Variants in TTLL9 observed in about 807,000 individuals in gnomAD.
TTLL9 encodes the protein tubulin tyrosine ligase like 9.
TTLL9 carries 47 observed loss-of-function variants against 65.6 expected under a neutral mutation model. The observed-to-expected ratio is 0.72, with a 90% CI of 0.57 to 0.91. TTLL9 has a LOEUF of 0.91. Ranked by LOEUF, TTLL9 falls within the 40% of genes least tolerant of loss-of-function variation. The pLI, the probability that TTLL9 is intolerant of heterozygous loss-of-function variation, is 0.00. For synonymous variants in TTLL9, 179 were observed against 204.8 expected (o/e 0.87, Z 1.07); for missense variants, 537 against 568.8 (o/e 0.94, Z 0.57).
chr20:31,872,112 G>C (rs1375928714), intron 2 of TTLL9, among the ~76,000 whole-genome samples: 1 of 152,116 alleles, frequency 6.6e-6, no homozygotes, highest in Non-Finnish European at 1.5e-5. Context: ...ATCTAGGAGG[G>C]AAGGCAAACA....
chr20:31,939,360 T>G lies in TTLL9; in HGVS notation c.1243+94T>G, dbSNP rs1015933934. ...GCAGCTTGGGATAGTGGTTAGATTG[T>G]TTGAATTCAATCTGCAACTTACCAG... On this transcript the variant is annotated intron_variant, in intron 14 of 14. Coordinates refer to ENST00000535842, the MANE Select transcript of TTLL9 (RefSeq NM_001008409.5). 9.8e-6 allele frequency: 14 copies of G among 1,422,518 alleles called. No individual in the cohort carries two copies. In the East Asian group the frequency reaches 3.3e-4, roughly 33 times the overall value. The allele number at this position is 1,422,518 out of a possible 1,614,324, so 88.1% of individuals were successfully genotyped here.
chr20:31,933,359 T>A (rs1446900054), intron 10 of TTLL9, among the ~76,000 whole-genome samples: 1 of 151,982 alleles, frequency 6.6e-6, no homozygotes, highest in Non-Finnish European at 1.5e-5. Context: ...GCCTACTGTG[T>A]CCTGAGATGG....
chr20:31,938,858 CAG>C (rs1440583920), intron 13 of TTLL9, among the ~76,000 whole-genome samples: 1 of 152,024 alleles, frequency 6.6e-6, no homozygotes, highest in Non-Finnish European at 1.5e-5. Context: ...GCCTGGGTGA[CAG>C]AGAGAGACTC....
chr20:31,919,839 G>A (rs1476656015), intron 6 of TTLL9, 25 bp from the exon 7 acceptor site: 7 of 1,572,188 alleles, frequency 4.5e-6, no homozygotes, highest in Non-Finnish European at 6.0e-6. Context: ...CTAAGAGCTG[G>A]CTTTCTGCCC....
chr20:31,901,777 T>C (rs2063483293), intron 4 of TTLL9, among the ~76,000 whole-genome samples: 1 of 152,214 alleles, frequency 6.6e-6, no homozygotes, highest in African/African-American at 2.4e-5. Context: ...TTCCACAGGG[T>C]GACTCCACCC....
intron 3 of TTLL9, among the ~76,000 whole-genome samples, chr20:31,889,972 C>CTCTTTCTTTTTCTTTCTT (rs1555809590): frequency 8.8e-6 from 1 of 113,862 alleles, no homozygotes; most frequent in East Asian, 2.7e-4. Flanking sequence ...CCACATCTCT[C>CTCTTTCTTTTTCTTTCTT]TCTTTCTTTC....
At chr20:31,916,358 A>G (rs1242810743) in intron 6 of TTLL9, among the ~76,000 whole-genome samples, 1 of 152,186 alleles carries the variant, frequency 6.6e-6, no homozygotes, top group Non-Finnish European at 1.5e-5. Flanking sequence ...GGGACAGGAA[A>G]TATTGTCGTG....
rs2063204351 is a variant in TTLL9, at chr20:31,887,223, T to C, written c.97T>C (p.Ser33Pro). 1.2e-6 allele frequency: 2 copies of C among 1,614,212 alleles called. No individual in the cohort carries two copies. Among genetic ancestry groups the C allele is most frequent in the Non-Finnish European group, 1.7e-6 (2 of 1,180,042 alleles). The change falls in exon 3 of 15, where the codon TCA (serine) becomes CCA (proline). Residue 33 changes from serine to proline, a missense_variant. This residue lies in a region of TTLL9 where 320 missense variants were observed against 311.0 expected (regional missense o/e 1.03). Coordinates refer to ENST00000535842, the MANE Select transcript of TTLL9 (RefSeq NM_001008409.5). ...QNQNYKGHGL[S>P]KGKEREQRAS... Reference sequence around the variant, plus strand: ...CCAAAATTACAAGGGCCATGGATTGTCAAAGGGAAAAGAGCGGTGAGTGGT... The same window carrying C: ...CCAAAATTACAAGGGCCATGGATTGCCAAAGGGAAAAGAGCGGTGAGTGGT...
At chr20:31,879,587 T>C (rs545794753) in intron 2 of TTLL9, 3 of 430,772 alleles carry the variant, frequency 7.0e-6, no homozygotes, top group African/African-American at 2.0e-5. Flanking sequence ...GAAAGTGCAG[T>C]TGGAGGCGGC....
intron 3 of TTLL9, among the ~76,000 whole-genome samples, chr20:31,890,063 T>TCTTTCTTGCTTTCTTG: frequency 9.2e-6 from 1 of 108,874 alleles, no homozygotes; most frequent in South Asian, 2.4e-4. Context: ...TCTTTCTCTT[T>TCTTTCTTGCTTTCTTG]CTTTCTTGCT....
rs2063597056 is a variant in TTLL9 at position 31,908,687 on chromosome 20, C to T, written c.303C>T (p.Phe101=). 4 of 1,613,984 alleles carry T rather than the reference C, an allele frequency of 2.5e-6. No homozygotes were observed. Among genetic ancestry groups the T allele is most frequent in the Non-Finnish European group, 3.4e-6 (4 of 1,179,910 alleles). ...YMDEHVRISH[F]RNHYELTRKN... is the part of the protein sequence containing the mutation. ...ATGAACATGTGCGGATCAGTCACTT[C>T]CGGAACCACTATGAGGTGAGCTGGG... Residue 101 remains phenylalanine (F), a synonymous_variant, in exon 5 of 15, where the codon TTC becomes TTT. Coordinates refer to ENST00000535842, the MANE Select transcript of TTLL9 (RefSeq NM_001008409.5).
intron 3 of TTLL9, among the ~76,000 whole-genome samples, chr20:31,896,503 A>G (rs2063391034): frequency 2.0e-5 from 3 of 152,248 alleles, no homozygotes; most frequent in Admixed American, 2.0e-4. Context: ...TAGTCTGTTA[A>G]TATGACTGAT....
chr20:31,919,187 G>A (rs2063779071), intron 6 of TTLL9, among the ~76,000 whole-genome samples: 1 of 152,216 alleles, frequency 6.6e-6, no homozygotes, highest in African/African-American at 2.4e-5. Context: ...GCTCAACACA[G>A]GTTAGGCTGT....
At chr20:31,912,599 GTGTA>G (rs1206041980) in intron 6 of TTLL9, among the ~76,000 whole-genome samples, 222 of 117,256 alleles carry the variant, frequency 1.9e-3, no homozygotes, top group African/African-American at 2.2e-3. Context: ...GTGCGTGTAT[GTGTA>G]TGTGTGTGTG....
At position 31,909,844 on chromosome 20, in the gene TTLL9, C is replaced by G. The variant is rs769613220; in HGVS notation, c.426C>G (p.Thr142=). Residue 142 remains threonine (T), a synonymous_variant, in exon 6 of 15, where the codon ACC becomes ACG. Coordinates refer to ENST00000535842, the MANE Select transcript of TTLL9 (RefSeq NM_001008409.5). ...EAAKCDFFPK[T]FEMPCEYHLF... is the part of the protein sequence containing the mutation. ...CCAAGTGTGACTTCTTCCCCAAAAC[C>G]TTTGAGATGCCTTGCGAGTACCACC... 3.7e-6 allele frequency: 6 copies of G among 1,613,958 alleles called. No homozygotes were observed. Among genetic ancestry groups the G allele is most frequent in the Non-Finnish European group, 4.2e-6 (5 of 1,179,922 alleles).
rs1031063434 is a variant in TTLL9, at chr20:31,909,982, G to T, written c.504+60G>T. ...AATGAGTCCCAGGTGCCATAGCAGGGATCAGGTGCAGACACTGCCTGGGAA... is the reference window on the plus strand; with the variant it reads ...AATGAGTCCCAGGTGCCATAGCAGGTATCAGGTGCAGACACTGCCTGGGAA... On this transcript the variant is annotated intron_variant, in intron 6 of 14. Coordinates refer to ENST00000535842, the MANE Select transcript of TTLL9 (RefSeq NM_001008409.5). 7 of 1,542,980 alleles carry T rather than the reference G, an allele frequency of 4.5e-6. No individual in the cohort carries two copies. The Admixed American group carries it at 1.0e-4, about 23-fold the overall frequency.
intron 8 of TTLL9, among the ~76,000 whole-genome samples, chr20:31,924,483 A>T (rs2063862535): frequency 6.6e-6 from 1 of 151,548 alleles, no homozygotes; most frequent in South Asian, 2.1e-4. Flanking sequence ...ACCACTCCCC[A>T]TGGGGGTCTT....
At chr20:31,873,454 G>C (rs2062967205) in intron 2 of TTLL9, among the ~76,000 whole-genome samples, 1 of 152,018 alleles carries the variant, frequency 6.6e-6, no homozygotes, top group Admixed American at 6.6e-5. Context: ...TTGGAGACCA[G>C]CCTGGGCAAC....
chr20:31,913,677 C>T (rs906689032), intron 6 of TTLL9, among the ~76,000 whole-genome samples: 41 of 152,210 alleles, frequency 2.7e-4, no homozygotes, highest in Admixed American at 2.2e-3. Context: ...CCGTCTACAC[C>T]ACCCTGTGGG....
Sources: gnomAD v4.1 joint callset for allele counts (sites outside exome capture counted in the v4.1 genomes callset) on GRCh38, gnomAD v4.1.1 for gene constraint, gnomAD v4.1.1 regional missense constraint, MANE v1.5 for transcripts, NCBI Gene and HGNC (gene_info 2026-07-23, HGNC 2026-07-21) for gene names.